PARP6: variants seen among roughly 807,000 people sequenced by gnomAD.
The protein encoded by PARP6 is poly(ADP-ribose) polymerase family member 6, also known as protein mono-ADP-ribosyltransferase PARP6.
In PARP6, 27 loss-of-function variants were observed where a neutral mutation model predicts 92.0. The ratio of observed to expected loss-of-function variants is 0.29; its 90% CI spans 0.22 to 0.40. The LOEUF (loss-of-function observed/expected upper bound fraction) is 0.40. Ranked by LOEUF, PARP6 falls within the 10% of genes least tolerant of loss-of-function variation. PARP6 has a pLI of 1.00. For synonymous variants in PARP6, 272 were observed against 281.2 expected (o/e 0.97, Z 0.33); for missense variants, 501 against 784.5 (o/e 0.64, Z 4.32).
intron 8 of PARP6, among the ~76,000 whole-genome samples, chr15:72,262,445 C>CT (rs1001671113): frequency 1.3e-5 from 2 of 152,116 alleles, no homozygotes; most frequent in African/African-American, 2.4e-5. Flanking sequence ...CTTTGATTGC[C>CT]TTTTTAGGGA....
chr15:72,258,188 G>T (rs1432121554), intron 11 of PARP6, 56 bp from the exon 12 acceptor site: 2 of 1,325,402 alleles, frequency 1.5e-6, no homozygotes, highest in African/African-American at 1.4e-5. Context: ...ACAGATATGG[G>T]AAATAATTTC....
At chr15:72,264,318 G>A (rs1337854928) in intron 8 of PARP6, among the ~76,000 whole-genome samples, 1 of 152,200 alleles carries the variant, frequency 6.6e-6, no homozygotes, top group Non-Finnish European at 1.5e-5. Flanking sequence ...GCTAAGTAGT[G>A]ATGAGCCTCT....
chr15:72,254,660 A>G, intron 14 of PARP6, 140 bp from the exon 15 acceptor site: 1 of 642,880 alleles, frequency 1.6e-6, no homozygotes, highest in South Asian at 1.8e-5. Context: ...CATTAATGTC[A>G]GACAGTTCTA....
chr15:72,270,966 T>C (rs2087346616), intron 2 of PARP6, 57 bp downstream of exon 2: 1 of 152,190 alleles, frequency 6.6e-6, no homozygotes, highest in Non-Finnish European at 1.5e-5. Context: ...AACCTGCATG[T>C]TTCTACACAT....
rs1240935071 is a variant in PARP6, at chr15:72,247,791, A to T, written c.1561+1454T>A. 8.8e-5 allele frequency among the ~76,000 whole-genome samples: 13 copies of T among 147,802 alleles called. No homozygotes were observed. The East Asian group carries it at 1.8e-3, about 20-fold the overall frequency. ...GTAGGTAACTCTCTTATTACTTTTT[A>T]TTTTTTTTTTAGGCAGAGTCTTGCT... On this transcript the variant is annotated intron_variant, in intron 20 of 23. Coordinates refer to ENST00000569795, the MANE Select transcript of PARP6 (RefSeq NM_001323532.2).
intron 2 of PARP6, among the ~76,000 whole-genome samples, chr15:72,268,174 A>G (rs1405571988): frequency 6.6e-6 from 1 of 152,256 alleles, no homozygotes; most frequent in African/African-American, 2.4e-5. Flanking sequence ...CACTATATGC[A>G]AGATACTGCT....
intron 8 of PARP6, among the ~76,000 whole-genome samples, chr15:72,262,138 A>G (rs997939214): frequency 6.6e-6 from 1 of 152,204 alleles, no homozygotes; most frequent in African/African-American, 2.4e-5. Flanking sequence ...GAGAAAAATT[A>G]TATTCTCAAA....
At chr15:72,248,406 A>G (rs1201652909) in intron 20 of PARP6, among the ~76,000 whole-genome samples, 1 of 151,432 alleles carries the variant, frequency 6.6e-6, no homozygotes, top group African/African-American at 2.4e-5. Flanking sequence ...CAGTGGTGCA[A>G]TCTCAGCTCA....
chr15:72,261,149 A>C (rs948658893), intron 9 of PARP6, among the ~76,000 whole-genome samples: 2 of 152,218 alleles, frequency 1.3e-5, no homozygotes, highest in African/African-American at 2.4e-5. Flanking sequence ...GCCTTTGGGA[A>C]TATCAGAAGA....
chr15:72,265,327 G>A, intron 6 of PARP6, 86 bp downstream of exon 6: 1 of 1,205,600 alleles, frequency 8.3e-7, no homozygotes, highest in East Asian at 2.3e-5. Context: ...TCCAAATACA[G>A]CACTCGGGAA....
chr15:72,268,076 C>G (rs1212353722), intron 2 of PARP6, among the ~76,000 whole-genome samples: 1 of 152,232 alleles, frequency 6.6e-6, no homozygotes, highest in Non-Finnish European at 1.5e-5. Context: ...ATTATACATA[C>G]AGATACTTGC....
chr15:72,261,275 G>A (rs537249724), intron 9 of PARP6, among the ~76,000 whole-genome samples: 224 of 152,274 alleles, frequency 1.5e-3, no homozygotes, highest in Middle Eastern at 3.4e-3. Context: ...ATGGGGAAAC[G>A]GATCAGGACA....
At chr15:72,252,437 C>G (rs1361287471) in intron 16 of PARP6, among the ~76,000 whole-genome samples, 1 of 152,148 alleles carries the variant, frequency 6.6e-6, no homozygotes, top group East Asian at 1.9e-4. Context: ...TCTACTGAAC[C>G]ATTCTGCAAT....
At chr15:72,256,649 C>G (rs1567202155) in intron 13 of PARP6, 59 bp from the exon 14 acceptor site, 2 of 1,317,104 alleles carry the variant, frequency 1.5e-6, no homozygotes, top group East Asian at 5.5e-5. Context: ...TACTGGGAGT[C>G]AGAGTACCCA....
intron 15 of PARP6, chr15:72,254,201 T>C (rs1016177028): frequency 3.7e-6 from 2 of 541,118 alleles, no homozygotes; most frequent in Non-Finnish European, 6.7e-6. Context: ...TGGCAAAACA[T>C]TAAATATGAA....
At chr15:72,266,501 A>G (rs1162798474) in intron 4 of PARP6, among the ~76,000 whole-genome samples, 1 of 152,056 alleles carries the variant, frequency 6.6e-6, no homozygotes, top group East Asian at 1.9e-4. Flanking sequence ...TCAGAAAATA[A>G]TTATGTCTAA....
At chr15:72,269,236 C>T (rs1405370270) in intron 2 of PARP6, among the ~76,000 whole-genome samples, 1 of 152,160 alleles carries the variant, frequency 6.6e-6, no homozygotes, top group Non-Finnish European at 1.5e-5. Flanking sequence ...TCTCGGCTCA[C>T]TGCAACCTCT....
At chr15:72,250,474 G>C (rs2084197295) in intron 18 of PARP6, 2 of 315,642 alleles carry the variant, frequency 6.3e-6, no homozygotes, top group Admixed American at 4.5e-5. Context: ...TTTAAGAAAA[G>C]GGTACTACCA....
At chr15:72,266,892 T>C (rs2086669456) in intron 3 of PARP6, 70 bp from the exon 4 acceptor site, 1 of 1,161,040 alleles carries the variant, frequency 8.6e-7, no homozygotes, top group Non-Finnish European at 1.3e-6. Context: ...CGTGGGATGA[T>C]ATGGTGAGGA....
Sources: allele counts gnomAD v4.1 joint callset (sites outside exome capture counted in the v4.1 genomes callset), GRCh38; gene constraint gnomAD v4.1.1; transcripts MANE v1.5; gene names NCBI Gene and HGNC (gene_info 2026-07-23, HGNC 2026-07-21).